CDK17: variants seen among roughly 807,000 people sequenced by gnomAD.
CDK17 encodes cyclin-dependent kinase 17.
A neutral mutation model predicts 77.6 loss-of-function variants in CDK17; 24 were observed. That is an observed-to-expected ratio of 0.31 (90% CI 0.22 to 0.44). CDK17 has a LOEUF of 0.44. CDK17 is among the 20% of genes least tolerant of loss of function. The pLI is 1.00. For missense variants in CDK17, 429 were observed against 622.5 expected, an observed-to-expected ratio of 0.69 and a Z score of 3.31; for synonymous variants, 203 against 210.4, an observed-to-expected ratio of 0.96 and a Z score of 0.30.
In CDK17 at chr12:96,300,323, T is replaced by C. The variant is rs763809989; in HGVS notation, c.581A>G (p.Lys194Arg). 1 of 1,598,916 alleles carries C rather than the reference T, an allele frequency of 6.3e-7. No homozygotes were observed. ...IGFGKMETYI[K>R]LEKLGEGTYA... ...ACTTACCTCTCCAAGCTTTTCCAAT[T>C]TGATGTAGGTTTCCATTTTTCCAAA... is the stretch of plus-strand genomic sequence containing the variant. The change falls in exon 6 of 17, where the codon AAA (lysine) becomes AGA (arginine). Residue 194 changes from lysine to arginine, a missense_variant. By Grantham distance (26) the Lys-to-Arg change is conservative. Transcript: ENST00000261211.
chr12:96,380,938 A>G (rs1192724082), intron 1 of CDK17, among the ~76,000 whole-genome samples: 2 of 152,140 alleles, frequency 1.3e-5, no homozygotes, highest in Non-Finnish European at 2.9e-5. Flanking sequence ...TATCCTACCT[A>G]GGAAGTGGTT....
intron 1 of CDK17, among the ~76,000 whole-genome samples, chr12:96,365,858 T>C (rs1424870331): frequency 1.3e-5 from 2 of 152,218 alleles, no homozygotes; most frequent in Non-Finnish European, 1.5e-5. Flanking sequence ...CTGGACAGCA[T>C]AGCAAGACCC....
intron 2 of CDK17, among the ~76,000 whole-genome samples, chr12:96,325,382 TGTTTCTCAACTAAG>T (rs1952879664): frequency 6.6e-6 from 1 of 152,384 alleles, no homozygotes; most frequent in Middle Eastern, 3.4e-3. Flanking sequence ...TTCCTCTACC[TGTTTCTCAACTAAG>T]GTTTCTCAAC....
intron 1 of CDK17, among the ~76,000 whole-genome samples, chr12:96,389,984 C>A (rs1264778533): frequency 6.6e-6 from 1 of 151,676 alleles, no homozygotes; most frequent in Admixed American, 6.6e-5. Context: ...CATGCACCAC[C>A]ACACCCAGCA....
intron 1 of CDK17, among the ~76,000 whole-genome samples, chr12:96,373,067 AT>A (rs2137211544): frequency 6.6e-6 from 1 of 152,310 alleles, no homozygotes; most frequent in Non-Finnish European, 1.5e-5. Context: ...ACATCACTAC[AT>A]TTAATTAACA....
At chr12:96,338,677 C>T (rs1467311692) in intron 1 of CDK17, among the ~76,000 whole-genome samples, 2 of 152,050 alleles carry the variant, frequency 1.3e-5, no homozygotes, top group African/African-American at 4.8e-5. Context: ...AGGCATGAGA[C>T]ACTGCGCTTG....
At chr12:96,356,953 T>G (rs543724019) in intron 1 of CDK17, among the ~76,000 whole-genome samples, 11 of 152,338 alleles carry the variant, frequency 7.2e-5, no homozygotes, top group African/African-American at 2.6e-4. Context: ...ATAAATTGAT[T>G]TGCAGATGAT....
chr12:96,281,374 C>T (rs1592701214), intron 15 of CDK17, among the ~76,000 whole-genome samples: 1 of 152,238 alleles, frequency 6.6e-6, no homozygotes. Context: ...AACACAAATA[C>T]CTTTTTCTTT....
At chr12:96,362,796 G>T (rs897161084) in intron 1 of CDK17, among the ~76,000 whole-genome samples, 1 of 152,140 alleles carries the variant, frequency 6.6e-6, no homozygotes, top group Non-Finnish European at 1.5e-5. Flanking sequence ...AGCAATGATG[G>T]TATTAATGAG....
At chr12:96,388,819 C>A (rs975222092) in intron 1 of CDK17, among the ~76,000 whole-genome samples, 1 of 151,984 alleles carries the variant, frequency 6.6e-6, no homozygotes, top group Admixed American at 6.6e-5. Context: ...GGGGAGGCCT[C>A]GGGAAGCTTT....
chr12:96,287,178 A>ATCATCT (rs1477840825), intron 11 of CDK17, among the ~76,000 whole-genome samples: 1 of 152,188 alleles, frequency 6.6e-6, no homozygotes, highest in East Asian at 1.9e-4. Context: ...AATCTAGGAG[A>ATCATCT]TGACAGTGAG....
chr12:96,353,931 G>A (rs1953354917), intron 1 of CDK17, among the ~76,000 whole-genome samples: 1 of 152,140 alleles, frequency 6.6e-6, no homozygotes, highest in African/African-American at 2.4e-5. Flanking sequence ...AATGTTTAAA[G>A]TGTGAGTCTG....
Position 96,313,353 on chromosome 12 carries a change from T to C in CDK17, c.385A>G (p.Arg129Gly). 1 of 1,596,536 alleles carries C rather than the reference T, an allele frequency of 6.3e-7. No homozygotes were observed. The highest frequency in any genetic ancestry group is 8.5e-7 in the Non-Finnish European group (1 of 1,173,696). Residue 129 changes from arginine (R) to glycine (G), a missense_variant, in exon 4 of 17, where the codon AGA becomes GGA. By Grantham distance (125) the Arg-to-Gly change is moderately radical (BLOSUM62 -2). Transcript: ENST00000261211. ...GAGATCCGTCTATGTATACGATTTCTGAGACAAACACCTGTAGGTGACTGG... is the reference window on the plus strand; with the variant it reads ...GAGATCCGTCTATGTATACGATTTCCGAGACAAACACCTGTAGGTGACTGG... The part of the protein sequence containing the change: ...EVQSPTGVCL[R>G]NRIHRRISME...
chr12:96,382,230 A>G (rs898817000), intron 1 of CDK17, among the ~76,000 whole-genome samples: 1 of 152,144 alleles, frequency 6.6e-6, no homozygotes, highest in African/African-American at 2.4e-5. Context: ...ACCTCTATGC[A>G]CACAAATTAG....
At chr12:96,316,696 C>T (rs1251978673) in intron 3 of CDK17, among the ~76,000 whole-genome samples, 1 of 126,710 alleles carries the variant, frequency 7.9e-6, no homozygotes, top group Non-Finnish European at 1.7e-5. Flanking sequence ...AGCAGGGGCA[C>T]ACTGACACCT....
At chr12:96,338,468 TG>T (rs1291927348) in intron 1 of CDK17, among the ~76,000 whole-genome samples, 11 of 152,344 alleles carry the variant, frequency 7.2e-5, no homozygotes, top group African/African-American at 2.6e-4. Context: ...GAAATCTACG[TG>T]CCCCAGCAAA....
In CDK17 at chr12:96,297,657, A is replaced by G; in HGVS notation, c.780T>C (p.Asp260=). Residue 260 remains aspartate, a synonymous_variant, in exon 8 of 17, where the codon GAT becomes GAC. Transcript: ENST00000261211. The part of the protein sequence containing the change: ...IVTLHDIVHT[D]KSLTLVFEYL... Reference sequence around the variant, plus strand: ...ACTCAAACACCAAAGTCAAGGATTTATCTGTGTGAACAATGTCATGTAAGG... The same window carrying G: ...ACTCAAACACCAAAGTCAAGGATTTGTCTGTGTGAACAATGTCATGTAAGG... The G allele has an allele frequency of 6.2e-7, 1 of 1,604,028 alleles. No homozygotes were observed. The highest frequency in any genetic ancestry group is 8.5e-7 in the Non-Finnish European group (1 of 1,171,912).
intron 3 of CDK17, among the ~76,000 whole-genome samples, chr12:96,316,706 T>A (rs376188683): frequency 0.017 from 2,184 of 125,168 alleles, 271 homozygotes; most frequent in South Asian, 0.03. Flanking sequence ...CACTGACACC[T>A]CACACGGCAG....
At chr12:96,370,414 G>A (rs115814303) in intron 1 of CDK17, among the ~76,000 whole-genome samples, 59 of 152,210 alleles carry the variant, frequency 3.9e-4, no homozygotes, top group Middle Eastern at 3.4e-3. Flanking sequence ...AGTTACCTGC[G>A]AGTAACTTCC....
Sources: gnomAD v4.1 joint callset for allele counts (sites outside exome capture counted in the v4.1 genomes callset) on GRCh38, gnomAD v4.1.1 for gene constraint, MANE v1.5 for transcripts, NCBI Gene and HGNC (gene_info 2026-07-23, HGNC 2026-07-21) for gene names.